The following CRLF2 variants were observed in gnomAD, a reference collection of about 807,000 sequenced individuals.
CRLF2 encodes the protein cytokine receptor like factor 2.
A neutral mutation model predicts 38.7 loss-of-function variants in CRLF2; 41 were observed. That is an observed-to-expected ratio of 1.06 (90% confidence interval 0.83 to 1.37). The LOEUF (loss-of-function observed/expected upper bound fraction) is 1.37. Among genes scored for constraint, CRLF2 ranks in the 40% most tolerant of loss-of-function variants. The probability of loss-of-function intolerance (pLI) is 0.00; values close to 1 mark genes in which losing one functional copy is unlikely to be tolerated. For synonymous variants in CRLF2, 140 were observed against 128.8 expected, an observed-to-expected ratio of 1.09 and a Z score of -0.59; for missense variants, 377 against 322.2, an observed-to-expected ratio of 1.17 and a Z score of -1.30.
intron 3 of CRLF2, among the ~76,000 whole-genome samples, chrX:1,206,193 T>C (rs1172133400): frequency 1.3e-5 from 2 of 152,136 alleles, no homozygotes; most frequent in African/African-American, 4.8e-5. Flanking sequence ...CTGAAAACTA[T>C]GCTGAGCTTC....
intron 7 of CRLF2, among the ~76,000 whole-genome samples, chrX:1,191,478 C>G (rs1188919669): frequency 1.3e-5 from 2 of 151,488 alleles, no homozygotes; most frequent in Non-Finnish European, 2.9e-5. Context: ...CCCTACAAAG[C>G]TCTTGTTTGG....
At chrX:1,206,034 T>C (rs1401279315) in intron 3 of CRLF2, among the ~76,000 whole-genome samples, 1 of 151,514 alleles carries the variant, frequency 6.6e-6, no homozygotes, top group African/African-American at 2.4e-5. Flanking sequence ...CCAGCGACTA[T>C]CATGAGATTG....
chrX:1,209,198 A>G (rs1384836654), intron 1 of CRLF2, among the ~76,000 whole-genome samples: 67 of 151,754 alleles, frequency 4.4e-4, no homozygotes, highest in Non-Finnish European at 8.4e-4. Flanking sequence ...CGATCTCCTG[A>G]CCTCATGATC....
At chrX:1,196,520 A>C (rs1432954314) in intron 6 of CRLF2, among the ~76,000 whole-genome samples, 4 of 149,620 alleles carry the variant, frequency 2.7e-5, no homozygotes, top group South Asian at 4.2e-4. Context: ...ATGGGATTTC[A>C]CCATATTGGC....
chrX:1,196,912 T>C lies in CRLF2; in HGVS notation c.647-12A>G, dbSNP rs374608816. The C allele has an allele frequency of 1.6e-3, 2,581 of 1,610,942 alleles. 27 individuals are homozygous for C. Among genetic ancestry groups the C allele is most frequent in the South Asian group, 1.1e-3 (101 of 90,832 alleles). Reference sequence around the variant, plus strand: ...CTCTGCACAGGCATCTGAAACAAAATGAAAAGGCGGCTGTCAGTTTTCAAC... The same window carrying C: ...CTCTGCACAGGCATCTGAAACAAAACGAAAAGGCGGCTGTCAGTTTTCAAC... On this transcript the variant is annotated splice_polypyrimidine_tract_variant and intron_variant, in intron 5 of 7. Coordinates refer to ENST00000400841, the MANE Select transcript of CRLF2 (RefSeq NM_022148.4).
chrX:1,198,791 G>C lies in CRLF2; in HGVS notation c.484-67C>G, dbSNP rs1346649044. 11 of 1,279,192 alleles carry C rather than the reference G, an allele frequency of 8.6e-6. No homozygotes were observed. The African/African-American group carries it at 8.9e-5, about 10-fold the overall frequency. The allele number at this position is 1,279,192 out of a possible 1,614,324, so 79.2% of individuals were successfully genotyped here. ...CACACACACACACACACAATGATTA[G>C]TGATGTAACCTGTCTGTCCAGAGTT... On this transcript the variant is annotated intron_variant, in intron 4 of 7. Coordinates refer to ENST00000400841, the MANE Select transcript of CRLF2 (RefSeq NM_022148.4).
intron 6 of CRLF2, among the ~76,000 whole-genome samples, chrX:1,195,886 T>C (rs1252702844): frequency 3.6e-5 from 5 of 140,532 alleles, no homozygotes; most frequent in Non-Finnish European, 6.1e-5. Context: ...ATATTTTATA[T>C]AGATTAAATT....
chrX:1,212,435 AAAAG>A (rs1335589744), intron 1 of CRLF2, 117 bp downstream of exon 1: 8,494 of 593,386 alleles, frequency 0.014, 11 homozygotes, highest in Middle Eastern at 0.019. Context: ...AAAAAAAAAA[AAAAG>A]AAAAGAAGAA....
At chrX:1,212,474 A>C in intron 1 of CRLF2, 82 bp downstream of exon 1, 1 of 919,642 alleles carries the variant, frequency 1.1e-6, no homozygotes, top group Admixed American at 2.1e-5. Flanking sequence ...TCATTGTTTA[A>C]GTTTTACAAA....
At chrX:1,204,420 G>T (rs1185439239) in intron 3 of CRLF2, among the ~76,000 whole-genome samples, 1 of 151,696 alleles carries the variant, frequency 6.6e-6, no homozygotes, top group Admixed American at 6.6e-5. Flanking sequence ...TAGAGATGGA[G>T]TTTCTCCATG....
intron 7 of CRLF2, among the ~76,000 whole-genome samples, chrX:1,192,136 T>C (rs1272963203): frequency 0.055 from 6,938 of 127,276 alleles, 479 homozygotes; most frequent in African/African-American, 0.18. Context: ...ACCCGGGAGG[T>C]GGAGCTTGCA....
At chrX:1,207,940 G>T (rs779701525) in intron 2 of CRLF2, among the ~76,000 whole-genome samples, 2 of 152,236 alleles carry the variant, frequency 1.3e-5, no homozygotes, top group East Asian at 3.9e-4. Flanking sequence ...AAATAACTTC[G>T]TTTTAAAATT....
intron 6 of CRLF2, among the ~76,000 whole-genome samples, chrX:1,193,925 C>T (rs1429506795): frequency 1.3e-5 from 2 of 151,766 alleles, no homozygotes; most frequent in Non-Finnish European, 2.9e-5. Flanking sequence ...CACACCACTG[C>T]ACTCCAGCTG....
At chrX:1,200,176 G>A (rs2086576453) in intron 4 of CRLF2, among the ~76,000 whole-genome samples, 2 of 151,396 alleles carry the variant, frequency 1.3e-5, no homozygotes, top group South Asian at 4.2e-4. Context: ...TATATAAGCT[G>A]TGTATATAAG....
In CRLF2 at chrX:1,209,287, C is replaced by CATTGT. The variant is rs1228723608; in HGVS notation, c.80-384_80-380dup. Among the ~76,000 whole-genome samples, 409 of 97,826 alleles carry CATTGT rather than the reference C, an allele frequency of 4.2e-3. 1 individual carries two copies. Among genetic ancestry groups the CATTGT allele is most frequent in the African/African-American group, 0.013 (387 of 29,318 alleles). 64.2% of individuals were successfully genotyped at this position (97,826 alleles called of 152,430 possible). ...TGACGTATTGTATTGCATTGTATTGCATTGTATTGTAGTGTAGTGTAGTGT... is the reference window on the plus strand; with the variant it reads ...TGACGTATTGTATTGCATTGTATTGCATTGTATTGTATTGTAGTGTAGTGTAGTGT... On this transcript the variant is annotated intron_variant, in intron 1 of 7. Coordinates refer to ENST00000400841, the MANE Select transcript of CRLF2 (RefSeq NM_022148.4).
intron 1 of CRLF2, 127 bp downstream of exon 1, chrX:1,212,418 GAAAAAAAAAAA>G (rs369256719): frequency 4.7e-6 from 2 of 429,022 alleles, no homozygotes; most frequent in Non-Finnish European, 8.0e-6. Flanking sequence ...CTTGAACCCG[GAAAAAAAAAAA>G]AAAAAAAAAG....
chrX:1,202,906 C>G (rs770441080), intron 3 of CRLF2, among the ~76,000 whole-genome samples: 1 of 151,826 alleles, frequency 6.6e-6, no homozygotes, highest in African/African-American at 2.4e-5. Context: ...GTCAGGAGTT[C>G]GAGACCAGCC....
chrX:1,211,184 G>A (rs1439605131), intron 1 of CRLF2, among the ~76,000 whole-genome samples: 1 of 151,232 alleles, frequency 6.6e-6, no homozygotes, highest in South Asian at 2.1e-4. Context: ...TGGATGGATG[G>A]ATGGATGGAT....
At chrX:1,203,521 A>T (rs1241609577) in intron 3 of CRLF2, among the ~76,000 whole-genome samples, 1 of 151,886 alleles carries the variant, frequency 6.6e-6, no homozygotes, top group Non-Finnish European at 1.5e-5. Context: ...AGGTGAGATC[A>T]TCCTGGAGTA....
Sources: gnomAD v4.1 joint callset for allele counts (sites outside exome capture counted in the v4.1 genomes callset) on GRCh38, gnomAD v4.1.1 for gene constraint, MANE v1.5 for transcripts, NCBI Gene and HGNC (gene_info 2026-07-23, HGNC 2026-07-21) for gene names.